MAP3K19: variants seen among roughly 807,000 people sequenced by gnomAD.
MAP3K19 encodes mitogen-activated protein kinase kinase kinase 19, also known as SPS1/STE20-related protein kinase YSK4.
Under a neutral mutation model 114.4 loss-of-function variants are expected in MAP3K19, and 91 were observed. The observed-to-expected ratio is 0.80, with a 90% CI of 0.67 to 0.95. The LOEUF (loss-of-function observed/expected upper bound fraction) is 0.95. Among genes scored for constraint, MAP3K19 ranks in the 40% least tolerant of loss-of-function variants. The pLI, the probability that MAP3K19 is intolerant of heterozygous loss-of-function variation, is 0.00. For synonymous variants in MAP3K19, 518 were observed against 530.5 expected (o/e 0.98, Z 0.32); for missense variants, 1,471 against 1,573.2 (o/e 0.94, Z 1.10).
At chr2:134,975,311 G>A (rs1054959252) in intron 12 of MAP3K19, among the ~76,000 whole-genome samples, 34 of 152,174 alleles carry the variant, frequency 2.2e-4, no homozygotes, top group African/African-American at 8.2e-4. Flanking sequence ...GGGCTCCATA[G>A]CAGCAGGCAC....
chr2:135,024,718 C>A lies in MAP3K19; in HGVS notation c.-71G>T. ...CACATAATGTATTGCTGATTTTCCA[C>A]TAAAATCACAAAGTTTAGGATCTCT... is the stretch of plus-strand genomic sequence containing the variant. On this transcript the variant is annotated 5_prime_UTR_variant, in exon 4 of 13. Coordinates refer to ENST00000392915, the MANE Select transcript of MAP3K19 (RefSeq NM_025052.5). 2 of 1,332,696 alleles carry A rather than the reference C, an allele frequency of 1.5e-6. No homozygotes were observed. The highest frequency in any genetic ancestry group is 1.1e-6 in the Non-Finnish European group (1 of 932,432). The allele number at this position is 1,332,696 out of a possible 1,614,324, so 82.6% of individuals were successfully genotyped here.
At chr2:135,033,389 T>C (rs1574054064) in intron 2 of MAP3K19, among the ~76,000 whole-genome samples, 1 of 94,280 alleles carries the variant, frequency 1.1e-5, no homozygotes, top group African/African-American at 6.0e-5. Context: ...CCCACTGCCC[T>C]CCCGGACGGG....
At chr2:134,981,540 C>G in intron 11 of MAP3K19, 22 bp from the exon 12 acceptor site, 1 of 1,530,470 alleles carries the variant, frequency 6.5e-7, no homozygotes, top group Non-Finnish European at 8.9e-7. Context: ...TCAATAATAC[C>G]TTGTTATTAA....
chr2:134,970,485 A>G (rs1573906570), intron 12 of MAP3K19, among the ~76,000 whole-genome samples: 1 of 151,838 alleles, frequency 6.6e-6, no homozygotes, highest in East Asian at 1.9e-4. Context: ...CTGAATCTTT[A>G]CTGAATCGAT....
chr2:135,020,419 A>T (rs1170694273), intron 5 of MAP3K19, among the ~76,000 whole-genome samples: 1 of 152,208 alleles, frequency 6.6e-6, no homozygotes, highest in Non-Finnish European at 1.5e-5. Context: ...TCCTGGGCTC[A>T]AGTGATTCTT....
intron 11 of MAP3K19, 76 bp downstream of exon 11, chr2:134,983,599 TG>T: frequency 1.4e-6 from 1 of 707,432 alleles, no homozygotes; most frequent in Non-Finnish European, 1.9e-6. Flanking sequence ...GGAGGATGAC[TG>T]GGGGAGTGGG....
At chr2:134,977,184 A>C (rs917106992) in intron 12 of MAP3K19, among the ~76,000 whole-genome samples, 11 of 139,040 alleles carry the variant, frequency 7.9e-5, no homozygotes, top group East Asian at 2.4e-4. Flanking sequence ...TCCCCCACCC[A>C]CTTTTTTTTT....
chr2:134,968,716 G>A (rs1313381192), intron 12 of MAP3K19, among the ~76,000 whole-genome samples: 14 of 151,242 alleles, frequency 9.3e-5, no homozygotes, highest in African/African-American at 2.4e-4. Flanking sequence ...CAGATGGGGC[G>A]GCAGGGCAGA....
chr2:135,000,899 C>T (rs894200170), intron 6 of MAP3K19, among the ~76,000 whole-genome samples: 11 of 152,052 alleles, frequency 7.2e-5, no homozygotes, highest in African/African-American at 2.7e-4. Context: ...GAAGGAGTAT[C>T]GCAGGGAGGA....
In MAP3K19 at chr2:134,973,094, T is replaced by C. The variant is rs149872210; in HGVS notation, c.3920+7727A>G. On this transcript the variant is annotated intron_variant, in intron 12 of 12. Coordinates refer to ENST00000392915, the MANE Select transcript of MAP3K19 (RefSeq NM_025052.5). ...AATGTTCCATGTTTTAATGGGAACA[T>C]TTATTCTGCCATTGTTGGAGAAAAT... Among the ~76,000 whole-genome samples, 673 of 152,328 alleles carry C rather than the reference T, an allele frequency of 4.4e-3. 5 individuals are homozygous for C. Among genetic ancestry groups the C allele is most frequent in the South Asian group, 8.3e-3 (40 of 4,832 alleles).
At chr2:135,017,983 A>T (rs1432179283) in intron 5 of MAP3K19, among the ~76,000 whole-genome samples, 1 of 152,250 alleles carries the variant, frequency 6.6e-6, no homozygotes, top group East Asian at 1.9e-4. Context: ...AATGCAAAGT[A>T]CACATCTTAG....
intron 12 of MAP3K19, among the ~76,000 whole-genome samples, chr2:134,976,883 A>C (rs183009440): frequency 6.6e-6 from 1 of 151,640 alleles, no homozygotes; most frequent in Non-Finnish European, 1.5e-5. Flanking sequence ...CGTCTCTACT[A>C]AAAAAACAAA....
At position 135,021,771 on chromosome 2, in the gene MAP3K19, A is replaced by C; in HGVS notation, c.82T>G (p.Leu28Val). Residue 28 changes from leucine to valine, a missense_variant, in exon 5 of 13, where the codon TTG becomes GTG. By Grantham distance (32) the Leu-to-Val change is conservative (BLOSUM62 1). Coordinates refer to ENST00000392915, the MANE Select transcript of MAP3K19 (RefSeq NM_025052.5). ...CHDTNSSPTDLMTVTKNQNII... is the reference protein window; with the variant it reads ...CHDTNSSPTDVMTVTKNQNII... Reference sequence around the variant, plus strand: ...TTTTGATTTTTGGTAACTGTCATCAAATCAGTTGGAGAAGAGTTTGTATCA... The same window carrying C: ...TTTTGATTTTTGGTAACTGTCATCACATCAGTTGGAGAAGAGTTTGTATCA... 1.2e-6 allele frequency: 2 copies of C among 1,613,170 alleles called. No individual in the cohort carries two copies. Among genetic ancestry groups the C allele is most frequent in the Non-Finnish European group, 1.7e-6 (2 of 1,179,700 alleles).
At chr2:134,971,651 T>C (rs1244276762) in intron 12 of MAP3K19, among the ~76,000 whole-genome samples, 2 of 152,158 alleles carry the variant, frequency 1.3e-5, no homozygotes. Context: ...CTCAGTCTTG[T>C]ATGTGTCCAG....
At chr2:134,996,065 G>A (rs1000182895) in intron 8 of MAP3K19, among the ~76,000 whole-genome samples, 2 of 151,718 alleles carry the variant, frequency 1.3e-5, no homozygotes, top group Admixed American at 1.3e-4. Flanking sequence ...TCAGCCTCCC[G>A]AGTAGCTGAG....
Position 134,987,842 on chromosome 2 carries a change from C to A in MAP3K19, c.1030G>T (p.Val344Phe). The A allele has an allele frequency of 6.2e-7, 1 of 1,610,500 alleles. No individual in the cohort carries two copies. The highest frequency in any genetic ancestry group is 8.5e-7 in the Non-Finnish European group (1 of 1,180,020). Residue 344 changes from valine (V) to phenylalanine (F), a missense_variant, in exon 10 of 13, where the codon GTT becomes TTT. Transcript: ENST00000392915. ...TGGCAGTCAATATCCTCTTCCCTAA[C>A]TGCAGGAATATTGCCTTCCTTCAAA... ...ENLKEGNIPA[V>F]REEDIDCHGS...
chr2:135,005,773 A>C (rs114883334), intron 5 of MAP3K19, among the ~76,000 whole-genome samples: 178 of 152,344 alleles, frequency 1.2e-3, no homozygotes, highest in Non-Finnish European at 2.1e-3. Flanking sequence ...TCACATCGAC[A>C]CATAGAAACT....
intron 5 of MAP3K19, among the ~76,000 whole-genome samples, chr2:135,018,147 C>T (rs760815140): frequency 2.6e-5 from 4 of 152,038 alleles, no homozygotes; most frequent in African/African-American, 7.2e-5. Context: ...CAAAATTAGC[C>T]GGGCATGGTG....
At chr2:134,994,085 A>T (rs1179629412) in intron 8 of MAP3K19, among the ~76,000 whole-genome samples, 1 of 152,238 alleles carries the variant, frequency 6.6e-6, no homozygotes, top group Non-Finnish European at 1.5e-5. Flanking sequence ...GCTTTTCTCC[A>T]ATCCCTCCAC....
Sources: allele counts gnomAD v4.1 joint callset (sites outside exome capture counted in the v4.1 genomes callset), GRCh38; gene constraint gnomAD v4.1.1; transcripts MANE v1.5; gene names NCBI Gene and HGNC (gene_info 2026-07-23, HGNC 2026-07-21).